Variants in AREG observed in about 807,000 individuals in gnomAD.
AREG encodes the protein amphiregulin.
A neutral mutation model predicts 28.0 loss-of-function variants in AREG; 16 were observed. That is an observed-to-expected ratio of 0.57 (90% CI 0.39 to 0.87). The LOEUF (loss-of-function observed/expected upper bound fraction) is 0.87. Ranked by LOEUF, AREG falls within the 40% of genes least tolerant of loss-of-function variation. The pLI, the probability that AREG is intolerant of heterozygous loss-of-function variation, is 0.00. For missense variants in AREG, 287 were observed against 309.1 expected, an observed-to-expected ratio of 0.93 and a Z score of 0.53; for synonymous variants, 113 against 113.5, an observed-to-expected ratio of 1.00 and a Z score of 0.02.
intron 2 of AREG, 157 bp from the exon 3 acceptor site, chr4:74,448,890 T>C: frequency 9.4e-7 from 1 of 1,059,120 alleles, no homozygotes. Flanking sequence ...TAAATTAGGG[T>C]TATGCAGTCC....
intron 4 of AREG, among the ~76,000 whole-genome samples, chr4:74,451,424 C>T (rs2110412638): frequency 6.6e-6 from 1 of 152,326 alleles, no homozygotes; most frequent in Non-Finnish European, 1.5e-5. Context: ...ATAACTTTAA[C>T]AGCTATCCAC....
At chr4:74,452,498 A>G in intron 4 of AREG, 46 bp from the exon 5 acceptor site, 1 of 1,610,382 alleles carries the variant, frequency 6.2e-7, no homozygotes. Context: ...TCAAACATAT[A>G]GATGAATAGA....
At chr4:74,453,465 CT>C (rs1560615390) in intron 5 of AREG, among the ~76,000 whole-genome samples, 1 of 152,176 alleles carries the variant, frequency 6.6e-6, no homozygotes, top group East Asian at 1.9e-4. Context: ...AAGTGAGCAG[CT>C]AGGGAAGAAA....
intron 2 of AREG, chr4:74,448,550 C>A: frequency 6.4e-6 from 1 of 155,734 alleles, no homozygotes; most frequent in Non-Finnish European, 1.4e-5. Context: ...CATGCAAAGC[C>A]ATTTGCTATC....
intron 5 of AREG, among the ~76,000 whole-genome samples, chr4:74,454,274 C>G (rs2110413744): frequency 6.6e-6 from 1 of 152,106 alleles, no homozygotes; most frequent in East Asian, 1.9e-4. Flanking sequence ...AGCATAGATC[C>G]CAGAATTATT....
chr4:74,449,231 G>C lies in AREG; in HGVS notation c.495G>C (p.Leu165=). Residue 165 remains leucine (L), a synonymous_variant, in exon 3 of 6, where the codon CTG becomes CTC. Coordinates refer to ENST00000395748, the MANE Select transcript of AREG (RefSeq NM_001657.4). ...GAGAATGCAAATATATAGAGCACCT[G>C]GAAGCAGTAACATGCAAGTAAGTTT... The part of the protein sequence containing the change: ...IHGECKYIEH[L]EAVTCKCQQE... 6.2e-7 allele frequency: 1 copy of C among 1,613,318 alleles called. No individual in the cohort carries two copies. Among genetic ancestry groups the C allele is most frequent in the South Asian group, 1.1e-5 (1 of 90,988 alleles).
At chr4:74,449,926 C>CTCTCTCTCTCTT (rs1244262785) in intron 3 of AREG, among the ~76,000 whole-genome samples, 1 of 151,616 alleles carries the variant, frequency 6.6e-6, no homozygotes, top group Non-Finnish European at 1.5e-5. Context: ...CTCTCTCTCT[C>CTCTCTCTCTCTT]TCTCTCTTTC....
At chr4:74,448,857 C>T in intron 2 of AREG, 190 bp from the exon 3 acceptor site, 1 of 786,642 alleles carries the variant, frequency 1.3e-6, no homozygotes, top group Non-Finnish European at 1.9e-6. Flanking sequence ...ACACTACTTT[C>T]AGGTAGAAAA....
intron 2 of AREG, 87 bp downstream of exon 2, chr4:74,446,869 A>G: frequency 1.2e-6 from 2 of 1,603,402 alleles, no homozygotes; most frequent in South Asian, 1.1e-5. Context: ...TGCTCCCCAG[A>G]TTTTCTAGTG....
Position 74,450,421 on chromosome 4 carries a change from C to A in AREG, c.554C>A (p.Ser185Tyr), listed in dbSNP as rs1719363100. The change falls in exon 4 of 6, where the codon TCC becomes TAC. Residue 185 changes from serine (S) to tyrosine (Y), a missense_variant. Transcript: ENST00000395748. ...EYFGERCGEK[S>Y]MKTHSMIDSS... ...TTCGGTGAACGGTGTGGGGAAAAGT[C>A]CATGAAAACTCACAGCATGATTGAC... 1 of 1,613,778 alleles carries A rather than the reference C, an allele frequency of 6.2e-7. No individual in the cohort carries two copies. Among genetic ancestry groups the A allele is most frequent in the Admixed American group, 1.7e-5 (1 of 59,992 alleles).
At chr4:74,452,801 A>G (rs923974756) in intron 5 of AREG, 146 bp downstream of exon 5, 13 of 734,310 alleles carry the variant, frequency 1.8e-5, no homozygotes, top group Non-Finnish European at 2.9e-5. Context: ...TTCTTTGAGT[A>G]TAAGATGGAA....
At chr4:74,447,013 C>CT (rs1719302322) in intron 2 of AREG, among the ~76,000 whole-genome samples, 1 of 152,126 alleles carries the variant, frequency 6.6e-6, no homozygotes, top group Non-Finnish European at 1.5e-5. Context: ...TTCACAATGA[C>CT]TTTAAGTAGG....
chr4:74,445,323 G>A lies in AREG; in HGVS notation c.-23G>A, dbSNP rs376363217. 3.0e-4 allele frequency: 481 copies of A among 1,606,790 alleles called. No homozygotes were observed. In the African/African-American group the frequency reaches 5.6e-3, roughly 19 times the overall value. Reference sequence around the variant, plus strand: ...GAGACCGAGTTGCCCCAGAGACCGAGACGCCGCCGCTGCGAAGGACCAATG... The same window carrying A: ...GAGACCGAGTTGCCCCAGAGACCGAAACGCCGCCGCTGCGAAGGACCAATG... On this transcript the variant is annotated 5_prime_UTR_variant, in exon 1 of 6. Transcript: ENST00000395748.
Position 74,445,139 on chromosome 4 carries a change from C to T in AREG, c.-207C>T. On this transcript the variant is annotated 5_prime_UTR_variant, in exon 1 of 6. In the 5' UTR this introduces an upstream ATG that the reference lacks. Transcript: ENST00000395748. Reference sequence around the variant, plus strand: ...CGGCAGGTGCGCGCCGCCCTACAGACGTTCGCACACCTGGGTGCCAGCGCC... The same window carrying T: ...CGGCAGGTGCGCGCCGCCCTACAGATGTTCGCACACCTGGGTGCCAGCGCC... 1 of 1,130,162 alleles carries T rather than the reference C, an allele frequency of 8.8e-7. No homozygotes were observed. Among genetic ancestry groups the T allele is most frequent in the East Asian group, 2.7e-5 (1 of 37,484 alleles). The allele number at this position is 1,130,162 out of a possible 1,614,324, so 70.0% of individuals were successfully genotyped here.
intron 2 of AREG, 124 bp downstream of exon 2, chr4:74,446,906 C>A (rs1719300688): frequency 1.0e-5 from 16 of 1,583,036 alleles, no homozygotes; most frequent in Non-Finnish European, 1.2e-5. Context: ...GTTGGATAGC[C>A]CCTAGGTAAA....
At chr4:74,447,539 G>T (rs1719313621) in intron 2 of AREG, among the ~76,000 whole-genome samples, 2 of 152,154 alleles carry the variant, frequency 1.3e-5, no homozygotes, top group East Asian at 3.9e-4. Context: ...TTTGCTTGGA[G>T]TGAAAGTACC....
Position 74,449,268 on chromosome 4 carries a change from A to G in AREG, c.512+20A>G. 2.5e-6 allele frequency: 4 copies of G among 1,613,614 alleles called. No individual in the cohort carries two copies. Among genetic ancestry groups the G allele is most frequent in the Non-Finnish European group, 3.4e-6 (4 of 1,179,768 alleles). On this transcript the variant is annotated intron_variant, in intron 3 of 5. Transcript: ENST00000395748. ...ATGCAAGTAAGTTTTCCTAAAGCAT[A>G]TAGAATTTTGTATTTCTAGCACCAT... is the stretch of plus-strand genomic sequence containing the variant.
chr4:74,452,834 G>A (rs1048917941), intron 5 of AREG, among the ~76,000 whole-genome samples, 179 bp downstream of exon 5: 15 of 152,088 alleles, frequency 9.9e-5, no homozygotes, highest in African/African-American at 3.4e-4. Context: ...AATAGACTAC[G>A]TGTTTAATAA....
chr4:74,451,987 A>G (rs1719388507), intron 4 of AREG, among the ~76,000 whole-genome samples: 1 of 152,182 alleles, frequency 6.6e-6, no homozygotes, highest in Non-Finnish European at 1.5e-5. Context: ...GATTTTAATG[A>G]TAATGTTTTG....
Sources: allele counts gnomAD v4.1 joint callset (sites outside exome capture counted in the v4.1 genomes callset), GRCh38; gene constraint gnomAD v4.1.1; transcripts MANE v1.5; gene names NCBI Gene and HGNC (gene_info 2026-07-23, HGNC 2026-07-21).